TAFA4: variants seen among roughly 807,000 people sequenced by gnomAD.
The protein encoded by TAFA4 is chemokine-like protein TAFA-4.
Under a neutral mutation model 21.1 loss-of-function variants are expected in TAFA4, and 20 were observed. That is an observed-to-expected ratio of 0.95 (90% CI 0.67 to 1.38). The LOEUF (loss-of-function observed/expected upper bound fraction) is 1.38, where lower values mean the gene tolerates loss of function less well. TAFA4 is among the 40% of genes most tolerant of loss of function. The probability of loss-of-function intolerance (pLI) is 0.00; values close to 1 mark genes in which losing one functional copy is unlikely to be tolerated. For missense variants in TAFA4, 211 were observed against 180.9 expected, an observed-to-expected ratio of 1.17 and a Z score of -0.95; for synonymous variants, 71 against 67.4, an observed-to-expected ratio of 1.05 and a Z score of -0.26.
intron 5 of TAFA4, among the ~76,000 whole-genome samples, chr3:68,736,201 A>T (rs1252292001): frequency 6.6e-6 from 1 of 151,962 alleles, no homozygotes; most frequent in Admixed American, 6.6e-5. Context: ...TAAAATGGCA[A>T]CCCCAGATAG....
intron 1 of TAFA4, among the ~76,000 whole-genome samples, chr3:68,925,401 T>C (rs9846165): frequency 0.61 from 93,521 of 152,090 alleles, 30,318 homozygotes; most frequent in Middle Eastern, 0.77. Context: ...AGATTACTAT[T>C]CCAGTGATTT....
intron 3 of TAFA4, among the ~76,000 whole-genome samples, chr3:68,872,493 T>C (rs1229719932): frequency 2.6e-5 from 4 of 152,024 alleles, no homozygotes; most frequent in Non-Finnish European, 5.9e-5. Context: ...AATAGTATGG[T>C]ACGGTAACTA....
chr3:68,870,625 T>C (rs1447849925), intron 3 of TAFA4, among the ~76,000 whole-genome samples: 1 of 152,130 alleles, frequency 6.6e-6, no homozygotes, highest in Non-Finnish European at 1.5e-5. Context: ...AATGTGCAGG[T>C]TTGTTACATA....
intron 3 of TAFA4, among the ~76,000 whole-genome samples, chr3:68,853,846 T>C (rs1379038880): frequency 1.3e-5 from 2 of 152,106 alleles, no homozygotes; most frequent in Non-Finnish European, 2.9e-5. Context: ...GTTATTATTA[T>C]TGCTAAGCAT....
intron 4 of TAFA4, among the ~76,000 whole-genome samples, chr3:68,746,900 T>C (rs1389109061): frequency 1.3e-5 from 2 of 152,236 alleles, no homozygotes; most frequent in African/African-American, 2.4e-5. Context: ...TTGTTAATTC[T>C]TTATCGTGGC....
chr3:68,829,045 C>A (rs1704317414), intron 3 of TAFA4, among the ~76,000 whole-genome samples: 1 of 152,092 alleles, frequency 6.6e-6, no homozygotes, highest in Non-Finnish European at 1.5e-5. Context: ...TTGGAAAAAA[C>A]TACTTTAAAG....
At chr3:68,841,247 C>T (rs1267143680) in intron 3 of TAFA4, among the ~76,000 whole-genome samples, 1 of 124,722 alleles carries the variant, frequency 8.0e-6, no homozygotes, top group Non-Finnish European at 1.8e-5. Flanking sequence ...GGCGTGAACC[C>T]GGGAGGCGGA....
At chr3:68,768,925 C>A (rs58972171) in intron 3 of TAFA4, among the ~76,000 whole-genome samples, 31,047 of 151,950 alleles carry the variant, frequency 0.2, 4,002 homozygotes, top group East Asian at 0.61. Flanking sequence ...GGAACCAGAG[C>A]TAAGAATAGG....
At chr3:68,737,519 T>G (rs1415860247) in intron 5 of TAFA4, among the ~76,000 whole-genome samples, 1 of 152,144 alleles carries the variant, frequency 6.6e-6, no homozygotes, top group Non-Finnish European at 1.5e-5. Context: ...ACGTTGAAAA[T>G]GGTCTGGTTT....
intron 3 of TAFA4, among the ~76,000 whole-genome samples, chr3:68,773,547 T>C (rs1315283652): frequency 6.6e-6 from 1 of 152,128 alleles, no homozygotes; most frequent in Non-Finnish European, 1.5e-5. Context: ...CACTGGAAGT[T>C]CCATCCCTCT....
chr3:68,840,480 T>C (rs758906941), intron 3 of TAFA4, among the ~76,000 whole-genome samples: 1 of 152,118 alleles, frequency 6.6e-6, no homozygotes, highest in Non-Finnish European at 1.5e-5. Context: ...GCCTCCCAAA[T>C]TGCTGGGACT....
intron 1 of TAFA4, among the ~76,000 whole-genome samples, chr3:68,916,718 CA>C (rs2090007935): frequency 6.6e-6 from 1 of 152,180 alleles, no homozygotes; most frequent in Non-Finnish European, 1.5e-5. Flanking sequence ...GGGCCTCAGG[CA>C]GCTTCTGTCT....
At chr3:68,844,920 G>T (rs1704749619) in intron 3 of TAFA4, among the ~76,000 whole-genome samples, 1 of 152,160 alleles carries the variant, frequency 6.6e-6, no homozygotes, top group Admixed American at 6.6e-5. Flanking sequence ...CATTTACTGA[G>T]GAGTGTTTCA....
In TAFA4 at chr3:68,841,064, A is replaced by ACACACATTCTCCACAAAACTTTTAATT. The variant is rs1704650306; in HGVS notation, c.130+39665_130+39666insAATTAAAAGTTTTGTGGAGAATGTGTG. ...AAGGTGATATTAAAGAATAAAATCCATGTAATCCCAGCACTTTGGGAGGCC... is the reference window on the plus strand; with the variant it reads ...AAGGTGATATTAAAGAATAAAATCCACACACATTCTCCACAAAACTTTTAATTTGTAATCCCAGCACTTTGGGAGGCC... On this transcript the variant is annotated intron_variant, in intron 3 of 5. Transcript: ENST00000295569. Among the ~76,000 whole-genome samples the ACACACATTCTCCACAAAACTTTTAATT allele has an allele frequency of 1.7e-3, 231 of 135,748 alleles. 11 individuals carry two copies. Among genetic ancestry groups the ACACACATTCTCCACAAAACTTTTAATT allele is most frequent in the South Asian group, 1.9e-3 (8 of 4,234 alleles). 89.1% of individuals were successfully genotyped at this position (135,748 alleles called of 152,430 possible).
intron 1 of TAFA4, among the ~76,000 whole-genome samples, chr3:68,897,118 T>C (rs1168476989): frequency 6.6e-6 from 1 of 151,670 alleles, no homozygotes; most frequent in East Asian, 2.0e-4. Flanking sequence ...GCCAGGCTGG[T>C]CTCGAACTCA....
intron 1 of TAFA4, among the ~76,000 whole-genome samples, chr3:68,930,730 C>A (rs571878041): frequency 2.0e-4 from 31 of 152,272 alleles, no homozygotes; most frequent in Admixed American, 1.9e-3. Flanking sequence ...CTTATTAAGG[C>A]CTGTATTTCC....
chr3:68,919,203 T>C (rs1371609576), intron 1 of TAFA4, among the ~76,000 whole-genome samples: 4 of 152,342 alleles, frequency 2.6e-5, no homozygotes, highest in Middle Eastern at 3.4e-3. Context: ...TTAAGGTTAA[T>C]GGCTGTATTT....
chr3:68,915,817 C>T (rs192729734), intron 1 of TAFA4, among the ~76,000 whole-genome samples: 5 of 152,284 alleles, frequency 3.3e-5, no homozygotes, highest in Non-Finnish European at 7.4e-5. Flanking sequence ...AATTAATAAT[C>T]ATACCCAGCC....
intron 1 of TAFA4, among the ~76,000 whole-genome samples, chr3:68,913,035 T>C (rs530905486): frequency 1.3e-5 from 2 of 152,182 alleles, no homozygotes; most frequent in African/African-American, 4.8e-5. Context: ...GATCAATTCT[T>C]TGGGGTTCTT....
Sources: allele counts gnomAD v4.1 joint callset (sites outside exome capture counted in the v4.1 genomes callset), GRCh38; gene constraint gnomAD v4.1.1; transcripts MANE v1.5; gene names NCBI Gene and HGNC (gene_info 2026-07-23, HGNC 2026-07-21).